ARPC4: variants seen among roughly 807,000 people sequenced by gnomAD.
ARPC4 encodes the protein actin related protein 2/3 complex subunit 4, also known as actin-related protein 2/3 complex subunit 4.
In ARPC4, 3 loss-of-function variants were observed where a neutral mutation model predicts 22.8. The ratio of observed to expected loss-of-function variants is 0.13; its 90% confidence interval spans 0.06 to 0.34. The LOEUF is 0.34. Ranked by LOEUF, ARPC4 falls within the 10% of genes least tolerant of loss-of-function variation. The pLI is 1.00. For missense variants in ARPC4, 98 were observed against 211.0 expected (o/e 0.46, Z 3.32); for synonymous variants, 80 against 72.5 (o/e 1.10, Z -0.52).
chr3:9,792,701 T>G (rs1357331642), upstream of ARPC4: 22 of 1,233,326 alleles, frequency 1.8e-5, no homozygotes, highest in Non-Finnish European at 2.2e-5. Flanking sequence ...CGCCAGGAGC[T>G]GCGGGTAGGA....
intron 5 of ARPC4, among the ~76,000 whole-genome samples, chr3:9,804,484 C>T (rs1288869839): frequency 2.0e-5 from 3 of 151,828 alleles, no homozygotes; most frequent in Non-Finnish European, 4.4e-5. Flanking sequence ...ACTTGCATGG[C>T]GTAAGTCCTC....
At chr3:9,795,578 A>G (rs1468826982) in intron 1 of ARPC4, among the ~76,000 whole-genome samples, 2 of 152,166 alleles carry the variant, frequency 1.3e-5, no homozygotes, top group Non-Finnish European at 2.9e-5. Flanking sequence ...AATGCTTCTC[A>G]TATACAGAAA....
At chr3:9,803,514 A>G (rs1207722794) in intron 4 of ARPC4, 2 of 487,308 alleles carry the variant, frequency 4.1e-6, no homozygotes, top group African/African-American at 1.9e-5. Flanking sequence ...TCTGGACTAA[A>G]TGTTCCCTGT....
intron 4 of ARPC4, among the ~76,000 whole-genome samples, chr3:9,802,377 T>C (rs2079028507): frequency 1.3e-5 from 1 of 76,276 alleles, no homozygotes; most frequent in Admixed American, 1.2e-4. Context: ...AGTCTCTCTC[T>C]CTTTTTTTTT....
chr3:9,802,837 C>G (rs989728574), intron 4 of ARPC4, among the ~76,000 whole-genome samples: 22 of 151,414 alleles, frequency 1.5e-4, no homozygotes, highest in African/African-American at 4.4e-4. Context: ...GCTACCATGC[C>G]CAGCTAATTT....
chr3:9,804,022 G>T lies in ARPC4; in HGVS notation c.501+9G>T, dbSNP rs2079062720. 2 of 1,613,186 alleles carry T rather than the reference G, an allele frequency of 1.2e-6. No individual in the cohort carries two copies. The highest frequency in any genetic ancestry group is 2.7e-5 in the African/African-American group (2 of 74,902). The stretch of plus-strand genomic sequence containing the variant: ...AAGAGTTCCTTAAGAATGTGAGTAG[G>T]GGCCTTTAGCTTTCCTTCCAGAGGC... On this transcript the variant is annotated intron_variant, in intron 5 of 5. Transcript: ENST00000397261.
intron 2 of ARPC4, among the ~76,000 whole-genome samples, chr3:9,798,733 G>A (rs1018511264): frequency 6.6e-6 from 1 of 152,074 alleles, no homozygotes; most frequent in Non-Finnish European, 1.5e-5. Context: ...AATAAGCTGG[G>A]CATGGTGGTA....
In ARPC4 at chr3:9,801,654, T is replaced by C; in HGVS notation, c.235-7T>C. The C allele has an allele frequency of 6.2e-7, 1 of 1,601,430 alleles. No homozygotes were observed. Among genetic ancestry groups the C allele is most frequent in the Non-Finnish European group, 8.5e-7 (1 of 1,172,106 alleles). Reference sequence around the variant, plus strand: ...TTAGAGAAACATTTCTCTCTTGCACTCCCCAGGCTGATGAGATCGAGAAGA... The same window carrying C: ...TTAGAGAAACATTTCTCTCTTGCACCCCCCAGGCTGATGAGATCGAGAAGA... On this transcript the variant is annotated splice_region_variant and splice_polypyrimidine_tract_variant and intron_variant, in intron 3 of 5. Transcript: ENST00000397261.
At chr3:9,800,953 G>A (rs540910228) in intron 3 of ARPC4, among the ~76,000 whole-genome samples, 1 of 152,070 alleles carries the variant, frequency 6.6e-6, no homozygotes, top group East Asian at 2.0e-4. Flanking sequence ...GCTCATGCCT[G>A]TAATCCCAGC....
chr3:9,800,975 C>T (rs2125645454), intron 3 of ARPC4, among the ~76,000 whole-genome samples: 1 of 152,052 alleles, frequency 6.6e-6, no homozygotes, highest in Non-Finnish European at 1.5e-5. Context: ...CTTTGGGAGA[C>T]CAAGGCGGGT....
At chr3:9,794,497 TC>T (rs2078837040) in intron 1 of ARPC4, among the ~76,000 whole-genome samples, 1 of 151,352 alleles carries the variant, frequency 6.6e-6, no homozygotes, top group Non-Finnish European at 1.5e-5. Flanking sequence ...AGACTCCGTC[TC>T]AAAAAAAAAA....
chr3:9,796,959 A>AAG (rs59941017), intron 1 of ARPC4, among the ~76,000 whole-genome samples: 2 of 151,428 alleles, frequency 1.3e-5, no homozygotes, highest in East Asian at 3.9e-4. Flanking sequence ...AAAAAAAAAA[A>AAG]GAATGTCCTT....
Position 9,806,725 on chromosome 3 carries a change from C to T in ARPC4, c.*510C>T, listed in dbSNP as rs2079112652. ...CTTTTATTCCCAAGCCTCCTTGGCCCCAGTATAAGTGTTGGGAACTCTCTG... is the reference window on the plus strand; with the variant it reads ...CTTTTATTCCCAAGCCTCCTTGGCCTCAGTATAAGTGTTGGGAACTCTCTG... On this transcript the variant is annotated 3_prime_UTR_variant, in exon 6 of 6. Coordinates refer to ENST00000397261, the MANE Select transcript of ARPC4 (RefSeq NM_005718.5). The T allele has an allele frequency of 6.0e-6, 1 of 165,976 alleles. No individual in the cohort carries two copies. The highest frequency in any genetic ancestry group is 1.3e-5 in the Non-Finnish European group (1 of 76,526). 10.3% of individuals were successfully genotyped at this position (165,976 alleles called of 1,614,324 possible). A position where few individuals can be genotyped will look rare whatever the true frequency, so the allele number is the denominator to read the frequency against.
intron 1 of ARPC4, 120 bp downstream of exon 1, chr3:9,793,244 G>A: frequency 6.9e-7 from 1 of 1,450,028 alleles, no homozygotes; most frequent in South Asian, 1.4e-5. Context: ...GGGGTTGTGG[G>A]GACACGATGA....
upstream of ARPC4, chr3:9,792,917 A>G (rs1007382335): frequency 2.0e-5 from 28 of 1,398,624 alleles, no homozygotes; most frequent in Admixed American, 6.9e-4. Flanking sequence ...CTCGAGTGCA[A>G]GAATTTAAAA....
At chr3:9,797,592 A>G in intron 1 of ARPC4, 67 bp from the exon 2 acceptor site, 1 of 1,552,350 alleles carries the variant, frequency 6.4e-7, no homozygotes, top group Non-Finnish European at 8.8e-7. Context: ...GGGAGCTGGA[A>G]TAGGGGATCG....
At chr3:9,803,595 C>T in intron 4 of ARPC4, 1 of 643,880 alleles carries the variant, frequency 1.6e-6, no homozygotes, top group Non-Finnish European at 2.9e-6. Context: ...GCTGTTGTGC[C>T]ACAGATAGTT....
At chr3:9,800,378 A>C (rs1210118155) in intron 3 of ARPC4, 82 bp downstream of exon 3, 1 of 1,337,528 alleles carries the variant, frequency 7.5e-7, no homozygotes, top group Non-Finnish European at 1.0e-6. Context: ...CCCATCTGAG[A>C]GATCAGTGTG....
At position 9,793,096 on chromosome 3, in the gene ARPC4, G is replaced by C. The variant is rs941498747; in HGVS notation, c.-26G>C. On this transcript the variant is annotated 5_prime_UTR_variant, in exon 1 of 6. Coordinates refer to ENST00000397261, the MANE Select transcript of ARPC4 (RefSeq NM_005718.5). ...CGGGGCTGGCCACTTCCGTACTTCCGCTTTCCGGCCCAGCCAGCGCCCGCG... is the reference window on the plus strand; with the variant it reads ...CGGGGCTGGCCACTTCCGTACTTCCCCTTTCCGGCCCAGCCAGCGCCCGCG... The C allele has an allele frequency of 3.9e-6, 6 of 1,544,994 alleles. No individual in the cohort carries two copies. Among genetic ancestry groups the C allele is most frequent in the Admixed American group, 4.0e-5 (2 of 50,440 alleles).
Sources: allele counts gnomAD v4.1 joint callset (sites outside exome capture counted in the v4.1 genomes callset), GRCh38; gene constraint gnomAD v4.1.1; transcripts MANE v1.5; gene names NCBI Gene and HGNC (gene_info 2026-07-23, HGNC 2026-07-21).